AKAP7: variants seen among roughly 807,000 people sequenced by gnomAD.
AKAP7 encodes A-kinase anchoring protein 7, also known as A kinase (PRKA) anchor protein 7.
In AKAP7, 39 loss-of-function variants were observed where a neutral mutation model predicts 39.5. The observed-to-expected ratio is 0.99, with a 90% CI of 0.76 to 1.29. The LOEUF is 1.29. AKAP7 is among the 50% of genes most tolerant of loss of function. The pLI, the probability that AKAP7 is intolerant of heterozygous loss-of-function variation, is 0.00. For synonymous variants in AKAP7, 140 were observed against 139.1 expected (o/e 1.01, Z -0.05); for missense variants, 414 against 407.7 (o/e 1.02, Z -0.13).
intron 6 of AKAP7, among the ~76,000 whole-genome samples, chr6:131,202,493 A>G (rs1322921333): frequency 6.6e-6 from 1 of 151,576 alleles, no homozygotes; most frequent in Non-Finnish European, 1.5e-5. Flanking sequence ...CATCATTCTC[A>G]GTAAACTATC....
intron 4 of AKAP7, among the ~76,000 whole-genome samples, chr6:131,167,872 C>A (rs1171885583): frequency 6.6e-6 from 1 of 152,068 alleles, no homozygotes; most frequent in Non-Finnish European, 1.5e-5. Flanking sequence ...TTTTCAAACA[C>A]TTGGCTGAAC....
chr6:131,181,597 ATTC>A (rs1441959116), intron 5 of AKAP7, among the ~76,000 whole-genome samples: 10 of 152,268 alleles, frequency 6.6e-5, no homozygotes, highest in African/African-American at 2.4e-4. Flanking sequence ...GATAAAATCT[ATTC>A]TTCTTGCTGT....
At position 131,264,571 on chromosome 6, in the gene AKAP7, CATAA is replaced by C. The variant is rs147254584; in HGVS notation, c.851-16951_851-16948del. Among the ~76,000 whole-genome samples the C allele has an allele frequency of 6.3e-3, 960 of 152,292 alleles. 11 individuals are homozygous for C. The highest frequency in any genetic ancestry group is 0.022 in the African/African-American group (894 of 41,560). Reference sequence around the variant, plus strand: ...TTACAGAAGTGTTTATCAGGAAGATCATAAATAAATAGCCTTGTAACCTTCTAAC... The same window carrying C: ...TTACAGAAGTGTTTATCAGGAAGATCATAAATAGCCTTGTAACCTTCTAAC... On this transcript the variant is annotated intron_variant, in intron 7 of 7. Coordinates refer to ENST00000431975, the MANE Select transcript of AKAP7 (RefSeq NM_016377.4).
At chr6:131,163,264 A>G (rs1382444161) in intron 3 of AKAP7, among the ~76,000 whole-genome samples, 2 of 152,226 alleles carry the variant, frequency 1.3e-5, no homozygotes, top group East Asian at 1.9e-4. Context: ...GAAAGCTTAC[A>G]TACAAATATG....
At chr6:131,229,375 G>C (rs1055701013) in intron 7 of AKAP7, among the ~76,000 whole-genome samples, 2 of 152,112 alleles carry the variant, frequency 1.3e-5, no homozygotes, top group African/African-American at 4.8e-5. Context: ...GCTGGAGTCT[G>C]TCTCGTTGTG....
intron 7 of AKAP7, among the ~76,000 whole-genome samples, chr6:131,260,661 T>C (rs1813236840): frequency 6.6e-6 from 1 of 152,184 alleles, no homozygotes; most frequent in Admixed American, 6.5e-5. Context: ...TTTGTTTTTT[T>C]CTTGTAAATT....
At chr6:131,135,315 C>G (rs1584914358), upstream of AKAP7, among the ~76,000 whole-genome samples, 1 of 152,302 alleles carries the variant, frequency 6.6e-6, no homozygotes, top group South Asian at 2.1e-4. Context: ...GCTCGGCAGG[C>G]AGGCGAAGAC....
chr6:131,133,546 G>A (rs473556), upstream of AKAP7, among the ~76,000 whole-genome samples: 126,431 of 152,158 alleles, frequency 0.83, 52,911 homozygotes, highest in East Asian at 0.98. Flanking sequence ...ATAAGACTCT[G>A]TATTCATAAT....
chr6:131,183,889 C>T (rs1332800938), intron 5 of AKAP7, among the ~76,000 whole-genome samples: 2 of 152,190 alleles, frequency 1.3e-5, no homozygotes, highest in African/African-American at 2.4e-5. Flanking sequence ...TCGCTACCAG[C>T]TGCCTTGGGC....
At chr6:131,130,171 A>C in the AKAP7 span, among the ~76,000 whole-genome samples, 1 of 152,220 alleles carries the variant, frequency 6.6e-6, no homozygotes, top group Non-Finnish European at 1.5e-5. Flanking sequence ...CTCTGGGGGA[A>C]ATGGGGCAGT....
intron 2 of AKAP7, among the ~76,000 whole-genome samples, chr6:131,153,156 A>T (rs576376409): frequency 6.6e-6 from 1 of 151,390 alleles, no homozygotes; most frequent in East Asian, 1.9e-4. Context: ...AGAGAGAGAG[A>T]TTGGGCTCAA....
At chr6:131,146,035 C>T (rs879717217) in intron 2 of AKAP7, among the ~76,000 whole-genome samples, 4 of 152,036 alleles carry the variant, frequency 2.6e-5, no homozygotes, top group Non-Finnish European at 4.4e-5. Context: ...TATTGTGGAG[C>T]CACTGCTAAT....
At chr6:131,157,995 T>C (rs1562870691) in intron 2 of AKAP7, among the ~76,000 whole-genome samples, 2 of 152,214 alleles carry the variant, frequency 1.3e-5, no homozygotes, top group Non-Finnish European at 2.9e-5. Flanking sequence ...AGAAAACATA[T>C]CTATTTCTAC....
intron 2 of AKAP7, among the ~76,000 whole-genome samples, chr6:131,145,692 G>A (rs957776911): frequency 2.6e-5 from 4 of 152,006 alleles, no homozygotes; most frequent in African/African-American, 9.7e-5. Flanking sequence ...TGGGACCACA[G>A]GCATGTGTGG....
intron 2 of AKAP7, among the ~76,000 whole-genome samples, chr6:131,154,468 G>GGT (rs1802235740): frequency 8.9e-6 from 1 of 112,542 alleles, no homozygotes; most frequent in Non-Finnish European, 1.8e-5. Context: ...CCCTGTCCCT[G>GGT]TTTTTTTTTT....
intron 6 of AKAP7, 71 bp from the exon 7 acceptor site, chr6:131,219,590 A>G (rs974232201): frequency 7.2e-7 from 1 of 1,390,576 alleles, no homozygotes; most frequent in Non-Finnish European, 9.8e-7. Context: ...AGGTTCAAAG[A>G]AAGTGATGTA....
chr6:131,154,356 G>T (rs1243747968), intron 2 of AKAP7, among the ~76,000 whole-genome samples: 1 of 151,802 alleles, frequency 6.6e-6, no homozygotes, highest in African/African-American at 2.4e-5. Context: ...ACCGCAAATT[G>T]TCGTAATTAG....
intron 5 of AKAP7, among the ~76,000 whole-genome samples, chr6:131,182,621 CTCT>C (rs1805377336): frequency 6.6e-6 from 1 of 152,122 alleles, no homozygotes; most frequent in South Asian, 2.1e-4. Flanking sequence ...GTATAAATAT[CTCT>C]TCAAGACCTT....
At chr6:131,243,147 C>T (rs752675224) in intron 7 of AKAP7, among the ~76,000 whole-genome samples, 13 of 152,150 alleles carry the variant, frequency 8.5e-5, no homozygotes, top group Non-Finnish European at 1.5e-4. Context: ...TGTCAAGCCA[C>T]TGAATTAACC....
Sources: gnomAD v4.1 joint callset for allele counts (sites outside exome capture counted in the v4.1 genomes callset) on GRCh38, gnomAD v4.1.1 for gene constraint, MANE v1.5 for transcripts, NCBI Gene and HGNC (gene_info 2026-07-23, HGNC 2026-07-21) for gene names.